ABCA1: variants seen among roughly 807,000 people sequenced by gnomAD.
ABCA1 encodes the protein phospholipid-transporting ATPase ABCA1.
In ABCA1, 133 loss-of-function variants were observed where a neutral mutation model predicts 262.5. The observed-to-expected ratio is 0.51, with a 90% CI of 0.44 to 0.59. The LOEUF (loss-of-function observed/expected upper bound fraction) is 0.59, where lower values mean the gene tolerates loss of function less well. Ranked by LOEUF, ABCA1 falls within the 20% of genes least tolerant of loss-of-function variation. The pLI is 0.00. For missense variants in ABCA1, 2,452 were observed against 2,777.5 expected, an observed-to-expected ratio of 0.88 and a Z score of 2.63; for synonymous variants, 1,022 against 1,043.5, an observed-to-expected ratio of 0.98 and a Z score of 0.40.
chr9:104,798,273 G>C, intron 37 of ABCA1, 148 bp downstream of exon 37: 1 of 930,206 alleles, frequency 1.1e-6, no homozygotes, highest in Non-Finnish European at 1.7e-6. Context: ...TCATGAAAGT[G>C]ATCACCTGCC....
intron 27 of ABCA1, among the ~76,000 whole-genome samples, chr9:104,813,028 CA>C: frequency 6.6e-6 from 1 of 152,316 alleles, no homozygotes; most frequent in Middle Eastern, 3.4e-3. Context: ...TCGGATGAAT[CA>C]AGTCATCAAT....
At position 104,812,739 on chromosome 9, in the gene ABCA1, C is replaced by G. The variant is rs773986970; in HGVS notation, c.3902-17G>C. 1.2e-6 allele frequency: 2 copies of G among 1,614,136 alleles called. No homozygotes were observed. The highest frequency in any genetic ancestry group is 1.7e-5 in the Admixed American group (1 of 60,014). On this transcript the variant is annotated splice_polypyrimidine_tract_variant and intron_variant, in intron 27 of 49. Transcript: ENST00000374736. The stretch of plus-strand genomic sequence containing the variant: ...CTCTGGATTCTGCAAGAAGCCAACA[C>G]TGAAGGTCACCTATTATCTTAGGTG...
At position 104,819,955 on chromosome 9, in the gene ABCA1, C is replaced by T. The variant is rs1380993204; in HGVS notation, c.3075G>A (p.Lys1025=). The T allele has an allele frequency of 1.2e-6, 2 of 1,613,768 alleles. No individual in the cohort carries two copies. Among genetic ancestry groups the T allele is most frequent in the East Asian group, 2.2e-5 (1 of 44,884 alleles). Residue 1025 remains lysine (K), a synonymous_variant, in exon 21 of 50, where the codon AAG becomes AAA. Transcript: ENST00000374736. ...ACAGCTGGCTTGTTTTGCTTTTCAG[C>T]TTGCTTGATGGCAAACCAACATCCA... ...MALDVGLPSS[K]LKSKTSQLSG... is the part of the protein sequence containing the mutation.
At chr9:104,819,764 C>T (rs374224233) in intron 21 of ABCA1, 41 bp from the exon 22 acceptor site, 4 of 1,614,008 alleles carry the variant, frequency 2.5e-6, no homozygotes, top group Non-Finnish European at 1.7e-6. Context: ...GGACCAGCCC[C>T]AGACAGTGAG....
rs1402966120 is a variant in ABCA1 at position 104,822,573 on chromosome 9, A to G, written c.2751T>C (p.Asp917=). 1.2e-6 allele frequency: 2 copies of G among 1,613,906 alleles called. No individual in the cohort carries two copies. Among genetic ancestry groups the G allele is most frequent in the Non-Finnish European group, 1.7e-6 (2 of 1,179,986 alleles). ...VYRDGMKVAV[D]GLALNFYEGQ... is the part of the protein sequence containing the mutation. ...CCTCATAAAAATTCAGTGCCAGGCC[A>G]TCGACAGCCACCTTCATCCCATCTC... Residue 917 remains aspartate (D), a synonymous_variant, in exon 19 of 50, where the codon GAT becomes GAC. Coordinates refer to ENST00000374736, the MANE Select transcript of ABCA1 (RefSeq NM_005502.4).
chr9:104,903,908 C>G (rs189763516), intron 1 of ABCA1, 137 bp from the exon 2 acceptor site: 1 of 598,264 alleles, frequency 1.7e-6, no homozygotes, highest in East Asian at 2.8e-5. Context: ...CTCAATGGAT[C>G]ATGAGTCACC....
At chr9:104,868,107 T>C (rs1837249033) in intron 5 of ABCA1, among the ~76,000 whole-genome samples, 1 of 152,134 alleles carries the variant, frequency 6.6e-6, no homozygotes, top group African/African-American at 2.4e-5. Context: ...ATGGGGCTAA[T>C]ACAGCACTTT....
At position 104,786,859 on chromosome 9, in the gene ABCA1, A is replaced by G; in HGVS notation, c.6308+14T>C. ...AACATCCCACAGTGAGGAACCCAAG[A>G]CTTTACTACGGACCTATGAGATGTA... On this transcript the variant is annotated intron_variant, in intron 47 of 49. Coordinates refer to ENST00000374736, the MANE Select transcript of ABCA1 (RefSeq NM_005502.4). 1 of 1,606,246 alleles carries G rather than the reference A, an allele frequency of 6.2e-7. No homozygotes were observed. The highest frequency in any genetic ancestry group is 1.1e-5 in the South Asian group (1 of 90,902).
intron 3 of ABCA1, among the ~76,000 whole-genome samples, chr9:104,884,939 C>T (rs4149268): frequency 0.45 from 68,919 of 152,120 alleles, 17,250 homozygotes; most frequent in African/African-American, 0.67. Flanking sequence ...GAGGTAACTA[C>T]GGTAAGATGA....
chr9:104,870,792 G>A (rs552836325), intron 5 of ABCA1, among the ~76,000 whole-genome samples: 4 of 152,106 alleles, frequency 2.6e-5, no homozygotes, highest in Admixed American at 1.3e-4. Context: ...GGGTGGGGCC[G>A]TTTTATAGGA....
intron 1 of ABCA1, chr9:104,927,543 G>A (rs1456132268): frequency 6.6e-6 from 1 of 152,418 alleles, no homozygotes; most frequent in Non-Finnish European, 1.5e-5. Context: ...AACCAGAAGG[G>A]TTTCTAGCCA....
chr9:104,828,177 T>A (rs1056438883), intron 15 of ABCA1, among the ~76,000 whole-genome samples: 6 of 152,196 alleles, frequency 3.9e-5, no homozygotes, highest in Non-Finnish European at 8.8e-5. Flanking sequence ...GCCTCAGGCA[T>A]CAGCAACTCT....
In ABCA1 at chr9:104,796,796, T is replaced by C. The variant is rs952070265; in HGVS notation, c.5122-372A>G. On this transcript the variant is annotated intron_variant, in intron 37 of 49. Transcript: ENST00000374736. ...CTGTTTCGTCATTAATGCTATATTA[T>C]AGTCTGCCCAAGTTCAATCTCACAT... Among the ~76,000 whole-genome samples, 37 of 152,218 alleles carry C rather than the reference T, an allele frequency of 2.4e-4. 1 individual carries two copies. The highest frequency in any genetic ancestry group is 3.8e-4 in the East Asian group (2 of 5,196).
At chr9:104,896,748 T>TTC (rs1840256620) in intron 2 of ABCA1, among the ~76,000 whole-genome samples, 2 of 121,666 alleles carry the variant, frequency 1.6e-5, no homozygotes, top group Admixed American at 8.8e-5. Flanking sequence ...TTTTTTTTTT[T>TTC]CAGACAGAGT....
chr9:104,879,091 A>G lies in ABCA1; in HGVS notation c.421+3948T>C, dbSNP rs1838400895. Among the ~76,000 whole-genome samples the G allele has an allele frequency of 2.0e-5, 3 of 150,878 alleles. No homozygotes were observed. The South Asian group carries it at 6.2e-4, about 31-fold the overall frequency. On this transcript the variant is annotated intron_variant, in intron 5 of 49. Transcript: ENST00000374736. ...TCTGTCTTAAAAAAAAAAAAGAAAG[A>G]AAAGAAAAGAAAAAGGAAATTAGTG...
At chr9:104,819,874 G>C (rs2118965985) in intron 21 of ABCA1, 53 bp downstream of exon 21, 1 of 1,609,094 alleles carries the variant, frequency 6.2e-7, no homozygotes, top group Non-Finnish European at 8.5e-7. Context: ...CTCCGCATGT[G>C]TGTAGCCGGA....
intron 11 of ABCA1, among the ~76,000 whole-genome samples, chr9:104,833,790 C>T (rs750053385): frequency 2.1e-4 from 32 of 152,204 alleles, no homozygotes; most frequent in Non-Finnish European, 3.7e-4. Context: ...GCAAAGGAGG[C>T]CTATTTCCAT....
At chr9:104,835,873 A>G (rs1833772410) in intron 11 of ABCA1, among the ~76,000 whole-genome samples, 1 of 152,190 alleles carries the variant, frequency 6.6e-6, no homozygotes, top group Admixed American at 6.5e-5. Flanking sequence ...TTGCCCACAA[A>G]TCAAAATTCA....
At chr9:104,831,241 G>C in intron 13 of ABCA1, 140 bp from the exon 14 acceptor site, 1 of 879,082 alleles carries the variant, frequency 1.1e-6, no homozygotes, top group Non-Finnish European at 1.7e-6. Context: ...TTTTGAGATG[G>C]AGTTTCACTC....
Sources: gnomAD v4.1 joint callset for allele counts (sites outside exome capture counted in the v4.1 genomes callset) on GRCh38, gnomAD v4.1.1 for gene constraint, MANE v1.5 for transcripts, NCBI Gene and HGNC (gene_info 2026-07-23, HGNC 2026-07-21) for gene names.